The following DCC variants were observed in gnomAD, a reference collection of about 807,000 sequenced individuals.
DCC encodes DCC netrin 1 receptor, also known as netrin receptor DCC.
DCC carries 58 observed loss-of-function variants against 172.5 expected under a neutral mutation model. The ratio of observed to expected loss-of-function variants is 0.34; its 90% confidence interval spans 0.27 to 0.42. DCC has a LOEUF of 0.42. DCC is among the 10% of genes least tolerant of loss of function. The pLI is 1.00. For missense variants in DCC, 1,740 were observed against 1,791.0 expected (o/e 0.97, Z 0.51); for synonymous variants, 709 against 644.5 (o/e 1.10, Z -1.52).
At chr18:52,783,323 CTTTTTTTTTTTTTTTTTTTTTTTT>C (rs374129823) in intron 2 of DCC, among the ~76,000 whole-genome samples, 4 of 59,270 alleles carry the variant, frequency 6.7e-5, no homozygotes, top group Non-Finnish European at 1.1e-4. Context: ...TACTACTACT[CTTTTTTTTTTTTTTTTTTTTTTTT>C]TTTTTTTTTT....
chr18:52,529,991 A>G (rs1164002450), intron 1 of DCC, among the ~76,000 whole-genome samples: 1 of 152,216 alleles, frequency 6.6e-6, no homozygotes, highest in Non-Finnish European at 1.5e-5. Flanking sequence ...AAAAATCTCT[A>G]CTAGAAAGCT....
chr18:53,096,319 A>C (rs1349478101), intron 7 of DCC, among the ~76,000 whole-genome samples: 1 of 152,182 alleles, frequency 6.6e-6, no homozygotes, highest in East Asian at 1.9e-4. Flanking sequence ...AGCCTAGATG[A>C]CAGTGAGGCC....
chr18:52,653,925 C>A (rs2035193691), intron 1 of DCC, among the ~76,000 whole-genome samples: 1 of 152,010 alleles, frequency 6.6e-6, no homozygotes. Context: ...AGCTCCAAGC[C>A]TTTGTATTTA....
chr18:52,571,716 G>C (rs997824814), intron 1 of DCC, among the ~76,000 whole-genome samples: 1 of 152,162 alleles, frequency 6.6e-6, no homozygotes, highest in Non-Finnish European at 1.5e-5. Context: ...GTGAGGTCTT[G>C]CTATCAGATC....
At chr18:52,574,571 C>A (rs2033368185) in intron 1 of DCC, among the ~76,000 whole-genome samples, 1 of 152,274 alleles carries the variant, frequency 6.6e-6, no homozygotes, top group African/African-American at 2.4e-5. Context: ...TAAAGCCAGA[C>A]TGATTTAAGT....
At chr18:52,502,180 T>G (rs1018902792) in intron 1 of DCC, among the ~76,000 whole-genome samples, 1 of 152,206 alleles carries the variant, frequency 6.6e-6, no homozygotes, top group Non-Finnish European at 1.5e-5. Context: ...TTCCAATGGA[T>G]AACTTGGTTC....
intron 5 of DCC, among the ~76,000 whole-genome samples, chr18:53,039,925 CTG>C (rs1037648782): frequency 2.0e-5 from 3 of 151,950 alleles, no homozygotes; most frequent in African/African-American, 7.2e-5. Context: ...TATCTATTGT[CTG>C]TGCAGCTGCA....
chr18:53,156,558 TTTTC>T (rs1472345807), intron 7 of DCC, among the ~76,000 whole-genome samples: 1 of 152,196 alleles, frequency 6.6e-6, no homozygotes, highest in East Asian at 1.9e-4. Flanking sequence ...AGTATGTGAT[TTTTC>T]TTTGTCAGAA....
chr18:52,897,233 A>G (rs2039744929), intron 2 of DCC, among the ~76,000 whole-genome samples: 1 of 152,088 alleles, frequency 6.6e-6, no homozygotes, highest in Non-Finnish European at 1.5e-5. Flanking sequence ...TATTGGACAA[A>G]CCCCAAAGAT....
chr18:53,140,590 AT>A (rs2043815734), intron 7 of DCC, among the ~76,000 whole-genome samples: 2 of 152,268 alleles, frequency 1.3e-5, no homozygotes, highest in South Asian at 2.1e-4. Flanking sequence ...TCATGTTTAT[AT>A]TTTTTCACTG....
chr18:53,127,831 A>G (rs2043588237), intron 7 of DCC, among the ~76,000 whole-genome samples: 1 of 152,188 alleles, frequency 6.6e-6, no homozygotes, highest in Non-Finnish European at 1.5e-5. Flanking sequence ...CTATAAATCC[A>G]AACAGTGTGC....
chr18:52,466,822 C>A (rs1456371751), intron 1 of DCC, among the ~76,000 whole-genome samples: 1 of 152,066 alleles, frequency 6.6e-6, no homozygotes, highest in Admixed American at 6.6e-5. Flanking sequence ...TCACTCTATG[C>A]CAAACACTTA....
chr18:52,588,475 A>G (rs762009834), intron 1 of DCC, among the ~76,000 whole-genome samples: 3 of 152,232 alleles, frequency 2.0e-5, no homozygotes, highest in Non-Finnish European at 4.4e-5. Context: ...TTGGGCTTAC[A>G]CTAGAGAACA....
At position 52,439,174 on chromosome 18, in the gene DCC, T is replaced by TTGTGTGTGTGTGTGTGTGTGTG. The variant is rs60983168; in HGVS notation, c.91+98312_91+98333dup. 1.5e-4 allele frequency among the ~76,000 whole-genome samples: 22 copies of TTGTGTGTGTGTGTGTGTGTGTG among 144,850 alleles called. 1 individual carries two copies. The highest frequency in any genetic ancestry group is 8.3e-4 in the Admixed American group (12 of 14,462). On this transcript the variant is annotated intron_variant, in intron 1 of 28. Transcript: ENST00000442544. ...CTGTTAATATTTTGGAAGATATGTT[T>TTGTGTGTGTGTGTGTGTGTGTG]TGTGTGTGTGTGTGTGTGTGTGTGT...
At chr18:53,105,692 C>A (rs1241020000) in intron 7 of DCC, among the ~76,000 whole-genome samples, 2 of 151,842 alleles carry the variant, frequency 1.3e-5, no homozygotes, top group Non-Finnish European at 2.9e-5. Flanking sequence ...TTCATTTATG[C>A]TTTGCTGTCC....
chr18:53,157,442 C>T lies in DCC; in HGVS notation c.1348C>T (p.Arg450Cys), dbSNP rs1279908257. The T allele has an allele frequency of 7.4e-6, 12 of 1,614,034 alleles. No homozygotes were observed. The highest frequency in any genetic ancestry group is 2.7e-5 in the African/African-American group (2 of 74,928). ...VSSRFVRLSW[R>C]PPAEAKGNIQ... ...CAGCCGATTTGTCCGTCTCAGCTGG[C>T]GCCCACCTGCAGAAGCGAAAGGGAA... Residue 450 changes from arginine (R) to cysteine (C), a missense_variant, in exon 8 of 29, where the codon CGC (arginine) becomes TGC (cysteine). Physicochemically the swap from Arg to Cys is radical, Grantham distance 180. Coordinates refer to ENST00000442544, the MANE Select transcript of DCC (RefSeq NM_005215.4).
At chr18:53,201,319 G>A (rs560452824) in intron 9 of DCC, among the ~76,000 whole-genome samples, 1 of 152,190 alleles carries the variant, frequency 6.6e-6, no homozygotes, top group South Asian at 2.1e-4. Flanking sequence ...CTTTCCATGT[G>A]GCCACAAGAG....
intron 7 of DCC, among the ~76,000 whole-genome samples, chr18:53,104,059 T>C (rs899634176): frequency 6.6e-6 from 1 of 152,036 alleles, no homozygotes. Flanking sequence ...ACAAACAACA[T>C]ACCAAAATCT....
intron 2 of DCC, among the ~76,000 whole-genome samples, chr18:52,825,936 GA>G (rs758367698): frequency 6.6e-6 from 1 of 152,144 alleles, no homozygotes; most frequent in African/African-American, 2.4e-5. Context: ...CTGAGGGGGG[GA>G]AAAACAGCAG....
Sources: gnomAD v4.1 joint callset for allele counts (sites outside exome capture counted in the v4.1 genomes callset) on GRCh38, gnomAD v4.1.1 for gene constraint, MANE v1.5 for transcripts, NCBI Gene and HGNC (gene_info 2026-07-23, HGNC 2026-07-21) for gene names.